The following IFFO2 variants were observed in gnomAD, a reference collection of about 807,000 sequenced individuals.
IFFO2 encodes the protein intermediate filament family orphan 2.
A neutral mutation model predicts 53.5 loss-of-function variants in IFFO2; 19 were observed. The ratio of observed to expected loss-of-function variants is 0.36; its 90% confidence interval spans 0.25 to 0.52. The LOEUF is 0.52. Ranked by LOEUF, IFFO2 falls within the 20% of genes least tolerant of loss-of-function variation. The probability of loss-of-function intolerance (pLI) is 0.94; values close to 1 mark genes in which losing one functional copy is unlikely to be tolerated. For missense variants in IFFO2, 570 were observed against 727.4 expected, an observed-to-expected ratio of 0.78 and a Z score of 2.49; for synonymous variants, 303 against 313.6, an observed-to-expected ratio of 0.97 and a Z score of 0.36.
intron 1 of IFFO2, among the ~76,000 whole-genome samples, chr1:18,948,176 A>G (rs1284219336): frequency 6.6e-6 from 1 of 152,230 alleles, no homozygotes; most frequent in Non-Finnish European, 1.5e-5. Context: ...ATATTGATTT[A>G]TTTTCAAATC....
chr1:18,921,497 C>G (rs1359631426), intron 1 of IFFO2, among the ~76,000 whole-genome samples: 1 of 152,224 alleles, frequency 6.6e-6, no homozygotes, highest in Non-Finnish European at 1.5e-5. Context: ...TCCTTAGGAG[C>G]CAGGCTGCAG....
At chr1:18,933,586 C>T (rs957027076) in intron 1 of IFFO2, among the ~76,000 whole-genome samples, 3 of 151,912 alleles carry the variant, frequency 2.0e-5, no homozygotes, top group Admixed American at 1.3e-4. Context: ...GGCAACATGG[C>T]GAAACCCCAT....
At chr1:18,921,184 G>T (rs1936211597) in intron 1 of IFFO2, 63 bp from the exon 2 acceptor site, 2 of 1,400,934 alleles carry the variant, frequency 1.4e-6, no homozygotes, top group African/African-American at 1.4e-5. Context: ...CCAGCCCTCA[G>T]ACACAACCCC....
intron 1 of IFFO2, among the ~76,000 whole-genome samples, chr1:18,946,623 T>G (rs1369584245): frequency 6.6e-6 from 1 of 151,960 alleles, no homozygotes; most frequent in Non-Finnish European, 1.5e-5. Flanking sequence ...TTCACCATCT[T>G]GGCCAGGCTG....
chr1:18,926,370 C>T (rs1936297416), intron 1 of IFFO2, among the ~76,000 whole-genome samples: 3 of 152,134 alleles, frequency 2.0e-5, no homozygotes, highest in Admixed American at 6.5e-5. Context: ...GGGCAGGAAG[C>T]AGGCAGGAGA....
At chr1:18,954,193 G>A (rs1462129765) in intron 1 of IFFO2, among the ~76,000 whole-genome samples, 1 of 152,226 alleles carries the variant, frequency 6.6e-6, no homozygotes, top group Non-Finnish European at 1.5e-5. Flanking sequence ...GAGAGAGCTT[G>A]AGGACTCTCA....
chr1:18,934,001 T>C (rs1936412624), intron 1 of IFFO2, among the ~76,000 whole-genome samples: 1 of 149,684 alleles, frequency 6.7e-6, no homozygotes, highest in Non-Finnish European at 1.5e-5. Context: ...GGGTACTTTG[T>C]ATAAATAGAA....
chr1:18,919,726 G>C lies in IFFO2; in HGVS notation c.774C>G (p.Ile258Met), dbSNP rs942403754. Residue 258 changes from isoleucine to methionine, a missense_variant, in exon 3 of 9, where the codon ATC becomes ATG. Transcript: ENST00000455833. This position sits in a 1 kb window ranked among gnomAD's most constrained non-coding sequence, Gnocchi z 4.9. Reference protein sequence around the residue: ...DAIQEEMNEKIERLKAELVVF... With the variant: ...DAIQEEMNEKMERLKAELVVF... The stretch of plus-strand genomic sequence containing the variant: ...CCACCAGCTCGGCCTTGAGCCGCTC[G>C]ATCTTCTCATTCATCTCCTCCTGGA... 1.9e-6 allele frequency: 3 copies of C among 1,551,654 alleles called. No individual in the cohort carries two copies. The highest frequency in any genetic ancestry group is 2.6e-6 in the Non-Finnish European group (3 of 1,146,976).
chr1:18,943,212 A>T (rs889694738), intron 1 of IFFO2, among the ~76,000 whole-genome samples: 2 of 151,710 alleles, frequency 1.3e-5, no homozygotes, highest in African/African-American at 4.8e-5. Context: ...AACAAAAATT[A>T]TTTTTTTTAA....
At chr1:18,915,295 A>T (rs993750550) in intron 5 of IFFO2, among the ~76,000 whole-genome samples, 21 of 152,186 alleles carry the variant, frequency 1.4e-4, no homozygotes, top group African/African-American at 4.1e-4. Flanking sequence ...CTTTTGAAAC[A>T]AATGATGTCA....
At chr1:18,925,241 C>T (rs146617861) in intron 1 of IFFO2, among the ~76,000 whole-genome samples, 178 of 152,294 alleles carry the variant, frequency 1.2e-3, no homozygotes, top group African/African-American at 4.2e-3. Flanking sequence ...CTCATTTCCC[C>T]TCTTCCTCTC....
intron 1 of IFFO2, among the ~76,000 whole-genome samples, chr1:18,943,671 A>C (rs1350653377): frequency 6.6e-6 from 1 of 152,132 alleles, no homozygotes; most frequent in Non-Finnish European, 1.5e-5. Context: ...GGCACAGAGA[A>C]ATGGTGCAGC....
intron 1 of IFFO2, among the ~76,000 whole-genome samples, chr1:18,942,406 A>C (rs1013848650): frequency 6.6e-6 from 1 of 151,722 alleles, no homozygotes; most frequent in Admixed American, 6.6e-5. Flanking sequence ...GGCTGGTGGG[A>C]GCCAGGCCAG....
chr1:18,905,666 TTCGGAG>T lies in IFFO2; in HGVS notation c.*2889_*2894del, dbSNP rs1935936757. 6.7e-6 allele frequency: 1 copy of T among 150,192 alleles called. No individual in the cohort carries two copies. The highest frequency in any genetic ancestry group is 2.5e-5 in the African/African-American group (1 of 40,134). 9.3% of individuals were successfully genotyped at this position (150,192 alleles called of 1,614,324 possible). ...GATTTGCCAATAATTTTTTTCTCTGTTCGGAGTCTCAGAGGAGTGCGAGTGTGTGTG... is the reference window on the plus strand; with the variant it reads ...GATTTGCCAATAATTTTTTTCTCTGTTCTCAGAGGAGTGCGAGTGTGTGTG... On this transcript the variant is annotated 3_prime_UTR_variant, in exon 9 of 9. Transcript: ENST00000455833.
At position 18,956,063 on chromosome 1, in the gene IFFO2, G is replaced by T. The variant is rs1320848846; in HGVS notation, c.270C>A (p.Ser90Arg). ...LLEKQLEQQQ[S>R]ERERRLRYKT... ...TGTAGCGCAGCCGCCGCTCGCGCTC[G>T]CTCTGCTGCTGCTCCAGCTGCTTCT... Residue 90 changes from serine (S) to arginine (R), a missense_variant, in exon 1 of 9, where the codon AGC becomes AGA. Physicochemically the swap from Ser to Arg is moderately radical, Grantham distance 110 (BLOSUM62 -1). Transcript: ENST00000455833. This position sits in a 1 kb window ranked among gnomAD's most constrained non-coding sequence, Gnocchi z 6.4. The T allele has an allele frequency of 2.0e-6, 3 of 1,478,060 alleles. No homozygotes were observed. The highest frequency in any genetic ancestry group is 2.5e-5 in the South Asian group (2 of 81,024). The allele number at this position is 1,478,060 out of a possible 1,614,324, so 91.6% of individuals were successfully genotyped here.
chr1:18,926,166 T>G (rs1315272853), intron 1 of IFFO2, among the ~76,000 whole-genome samples: 2 of 151,424 alleles, frequency 1.3e-5, no homozygotes, highest in Non-Finnish European at 2.9e-5. Context: ...AAGCTGCACT[T>G]ACTCCTCAGT....
chr1:18,925,817 TG>T (rs1936276873), intron 1 of IFFO2, among the ~76,000 whole-genome samples: 1 of 51,954 alleles, frequency 1.9e-5, no homozygotes, highest in Non-Finnish European at 3.8e-5. Context: ...GTTGGATGGA[TG>T]GATGGATGGA....
chr1:18,910,732 C>T (rs909467175), intron 7 of IFFO2, among the ~76,000 whole-genome samples: 2 of 152,218 alleles, frequency 1.3e-5, no homozygotes, highest in African/African-American at 4.8e-5. Flanking sequence ...TCTGATGCAC[C>T]CCACCCGGTT....
intron 1 of IFFO2, among the ~76,000 whole-genome samples, chr1:18,945,701 G>A (rs1028393149): frequency 3.4e-4 from 52 of 152,368 alleles, no homozygotes; most frequent in African/African-American, 1.1e-3. Flanking sequence ...CCCCAGCACA[G>A]CCACATGGAG....
Sources: allele counts gnomAD v4.1 joint callset (sites outside exome capture counted in the v4.1 genomes callset), GRCh38; gene constraint gnomAD v4.1.1; non-coding constraint Gnocchi (gnomAD v3.1); transcripts MANE v1.5; gene names NCBI Gene and HGNC (gene_info 2026-07-23, HGNC 2026-07-21).